The following PDE4B variants were observed in gnomAD, a reference collection of about 807,000 sequenced individuals.
PDE4B encodes the protein 3',5'-cyclic-AMP phosphodiesterase 4B.
In PDE4B, 20 loss-of-function variants were observed where a neutral mutation model predicts 82.2. That is an observed-to-expected ratio of 0.24 (90% confidence interval 0.17 to 0.35). The LOEUF (loss-of-function observed/expected upper bound fraction) is 0.35, where lower values mean the gene tolerates loss of function less well. Ranked by LOEUF, PDE4B falls within the 10% of genes least tolerant of loss-of-function variation. The probability of loss-of-function intolerance (pLI) is 1.00; values close to 1 mark genes in which losing one functional copy is unlikely to be tolerated. For synonymous variants in PDE4B, 320 were observed against 318.9 expected, an observed-to-expected ratio of 1.00 and a Z score of -0.04; for missense variants, 655 against 907.2, an observed-to-expected ratio of 0.72 and a Z score of 3.57.
At chr1:66,334,063 C>T (rs905676359) in intron 8 of PDE4B, among the ~76,000 whole-genome samples, 1 of 152,172 alleles carries the variant, frequency 6.6e-6, no homozygotes, top group Non-Finnish European at 1.5e-5. Flanking sequence ...TGTAGAAGGA[C>T]TTTCACAAGG....
chr1:66,338,862 CAA>C (rs11421650), intron 8 of PDE4B, among the ~76,000 whole-genome samples: 1 of 150,360 alleles, frequency 6.7e-6, no homozygotes, highest in Non-Finnish European at 1.5e-5. Context: ...ACTAAAAATA[CAA>C]AAAAATTAGC....
chr1:65,895,932 A>AT (rs150066097), intron 1 of PDE4B, among the ~76,000 whole-genome samples: 2 of 143,702 alleles, frequency 1.4e-5, no homozygotes, highest in African/African-American at 2.5e-5. Context: ...ATGAAAAAGA[A>AT]AATAATAATA....
intron 3 of PDE4B, among the ~76,000 whole-genome samples, chr1:66,181,400 A>G (rs1647060213): frequency 6.6e-6 from 1 of 152,202 alleles, no homozygotes. Flanking sequence ...CCTCATTGAA[A>G]AAGCAAGTCT....
chr1:66,087,942 A>T (rs367729284), intron 3 of PDE4B, among the ~76,000 whole-genome samples: 14 of 151,484 alleles, frequency 9.2e-5, no homozygotes, highest in Non-Finnish European at 1.9e-4. Flanking sequence ...TGGGTGCAGC[A>T]CACCAGCATG....
chr1:65,860,468 C>T (rs1351207942), intron 1 of PDE4B, among the ~76,000 whole-genome samples: 2 of 152,246 alleles, frequency 1.3e-5, no homozygotes, highest in East Asian at 1.9e-4. Flanking sequence ...TGGGTTGGTT[C>T]GAAGTCTTTG....
chr1:65,960,968 G>C (rs1386943363), intron 3 of PDE4B, among the ~76,000 whole-genome samples: 1 of 151,998 alleles, frequency 6.6e-6, no homozygotes, highest in Non-Finnish European at 1.5e-5. Context: ...TTGGACTCCT[G>C]GTAAGTCCAA....
chr1:66,039,534 C>G lies in PDE4B; in HGVS notation c.281+120699C>G, dbSNP rs182715154. Among the ~76,000 whole-genome samples, 291 of 152,140 alleles carry G rather than the reference C, an allele frequency of 1.9e-3. 1 individual carries two copies. The highest frequency in any genetic ancestry group is 2.7e-3 in the Non-Finnish European group (181 of 67,932). On this transcript the variant is annotated intron_variant, in intron 3 of 16. Transcript: ENST00000341517. ...TTCACCAACAACGTTGTTTACTTCT[C>G]TCTTTCTCTCTCTTACTTTCTCTCA...
chr1:66,021,497 G>A (rs866653776), intron 3 of PDE4B, among the ~76,000 whole-genome samples: 7 of 152,150 alleles, frequency 4.6e-5, no homozygotes, highest in African/African-American at 1.7e-4. Flanking sequence ...TTTTGTATAA[G>A]ATATAAGGAA....
Position 65,871,931 on chromosome 1 carries a change from T to A in PDE4B, c.-70-41314T>A, listed in dbSNP as rs910662975. ...TACAATATAATATGGAGTGCTTTTT[T>A]TGATGGATGTGATTCTTTTGTGAAA... On this transcript the variant is annotated intron_variant, in intron 1 of 16. Coordinates refer to ENST00000341517, the MANE Select transcript of PDE4B (RefSeq NM_002600.4). Among the ~76,000 whole-genome samples, 3 of 152,324 alleles carry A rather than the reference T, an allele frequency of 2.0e-5. No individual in the cohort carries two copies. In the East Asian group the frequency reaches 5.8e-4, roughly 29 times the overall value.
intron 3 of PDE4B, among the ~76,000 whole-genome samples, chr1:65,982,282 C>T (rs1650727754): frequency 1.3e-5 from 2 of 152,118 alleles, no homozygotes; most frequent in Admixed American, 1.3e-4. Context: ...AGGTGATGAA[C>T]TTGGATATTT....
intron 3 of PDE4B, among the ~76,000 whole-genome samples, chr1:66,012,690 A>G (rs1652554124): frequency 6.6e-6 from 1 of 152,118 alleles, no homozygotes. Context: ...GATATTTTCA[A>G]GGACTTGAAC....
At chr1:65,889,421 C>T in intron 1 of PDE4B, among the ~76,000 whole-genome samples, 1 of 151,852 alleles carries the variant, frequency 6.6e-6, no homozygotes, top group African/African-American at 2.4e-5. Flanking sequence ...TTTGTCTAGC[C>T]TTATAGAATG....
At chr1:66,225,823 T>G (rs1299144594) in intron 3 of PDE4B, among the ~76,000 whole-genome samples, 1 of 152,392 alleles carries the variant, frequency 6.6e-6, no homozygotes, top group East Asian at 1.9e-4. Flanking sequence ...GTTTATTTGC[T>G]TAATGGATTA....
chr1:65,866,274 T>G (rs1646509282), intron 1 of PDE4B, among the ~76,000 whole-genome samples: 1 of 152,190 alleles, frequency 6.6e-6, no homozygotes. Flanking sequence ...ACAATTATAA[T>G]GAAAATAATT....
chr1:66,328,101 G>C (rs899331272), intron 7 of PDE4B, among the ~76,000 whole-genome samples: 3 of 152,160 alleles, frequency 2.0e-5, no homozygotes, highest in Admixed American at 1.3e-4. Context: ...TTTGAGAAAA[G>C]AGCTATTTGA....
intron 12 of PDE4B, among the ~76,000 whole-genome samples, chr1:66,364,364 C>A (rs1467653910): frequency 6.6e-6 from 1 of 152,122 alleles, no homozygotes; most frequent in East Asian, 1.9e-4. Context: ...ATTTGCCATA[C>A]CAACTCTGAG....
intron 3 of PDE4B, among the ~76,000 whole-genome samples, chr1:66,197,870 ATTT>A (rs1648470079): frequency 6.6e-6 from 1 of 152,182 alleles, no homozygotes; most frequent in Non-Finnish European, 1.5e-5. Context: ...ACTGCTGTAT[ATTT>A]CTGTTCAAAA....
At chr1:66,249,264 C>CA (rs1447074642) in intron 4 of PDE4B, among the ~76,000 whole-genome samples, 11 of 152,226 alleles carry the variant, frequency 7.2e-5, no homozygotes, top group African/African-American at 2.4e-4. Context: ...TAGGCTTCAT[C>CA]ATGGAAGACC....
intron 3 of PDE4B, among the ~76,000 whole-genome samples, chr1:66,014,041 A>G (rs1175260004): frequency 6.6e-6 from 1 of 151,854 alleles, no homozygotes; most frequent in Non-Finnish European, 1.5e-5. Context: ...TATTTTCCTA[A>G]TGATTCGTGA....
Sources: gnomAD v4.1 joint callset for allele counts (sites outside exome capture counted in the v4.1 genomes callset) on GRCh38, gnomAD v4.1.1 for gene constraint, MANE v1.5 for transcripts, NCBI Gene and HGNC (gene_info 2026-07-23, HGNC 2026-07-21) for gene names.